The following GPT2 variants were observed in gnomAD, a reference collection of about 807,000 sequenced individuals.
GPT2 encodes the protein alanine aminotransferase 2.
GPT2 carries 30 observed loss-of-function variants against 56.9 expected under a neutral mutation model. That is an observed-to-expected ratio of 0.53 (90% confidence interval 0.39 to 0.72). The LOEUF is 0.72. GPT2 is among the 30% of genes least tolerant of loss of function. GPT2 has a pLI of 0.00. For missense variants in GPT2, 542 were observed against 703.4 expected, an observed-to-expected ratio of 0.77 and a Z score of 2.60; for synonymous variants, 271 against 283.1, an observed-to-expected ratio of 0.96 and a Z score of 0.43.
intron 10 of GPT2, among the ~76,000 whole-genome samples, chr16:46,926,147 AAAAAG>A (rs1214186667): frequency 1.3e-5 from 2 of 151,360 alleles, no homozygotes; most frequent in Non-Finnish European, 2.9e-5. Context: ...AAAAAAAAAA[AAAAAG>A]GAATCCGTGG....
chr16:46,909,696 AT>A lies in GPT2; in HGVS notation c.590del (p.Ile197ThrfsTer13), dbSNP rs1961004388. The A allele has an allele frequency of 6.2e-7, 1 of 1,613,270 alleles. No individual in the cohort carries two copies. The highest frequency in any genetic ancestry group is 8.5e-7 in the Non-Finnish European group (1 of 1,179,582). On this transcript the variant is annotated frameshift_variant, in exon 6 of 12. Coordinates refer to ENST00000340124, the MANE Select transcript of GPT2 (RefSeq NM_133443.4). LOFTEE classifies it high-confidence loss of function. ...TTCTCTGTTGCAGACGATCCTGAAG[AT>A]CCTCGTCTCCGGGGGCGGCAAGTCA... ...ASDGISTILK[I>X]LVSGGGKSRT...
intron 8 of GPT2, among the ~76,000 whole-genome samples, chr16:46,921,156 A>T (rs544077665): frequency 6.6e-6 from 1 of 152,032 alleles, no homozygotes. Flanking sequence ...TCCCAAAAGC[A>T]TGGTTTTTTT....
rs1245659129 is a variant in GPT2, at chr16:46,931,039, C to T, written c.*2042C>T. The T allele has an allele frequency of 6.6e-6, 1 of 152,338 alleles. No homozygotes were observed. Among genetic ancestry groups the T allele is most frequent in the Non-Finnish European group, 1.5e-5 (1 of 68,042 alleles). 9.4% of individuals were successfully genotyped at this position (152,338 alleles called of 1,614,324 possible). A position where few individuals can be genotyped will look rare whatever the true frequency, so the allele number is the denominator to read the frequency against. On this transcript the variant is annotated 3_prime_UTR_variant, in exon 12 of 12. Transcript: ENST00000340124. ...TTACATCTGTGAAGTTTCTGTCATT[C>T]GTCCAGATCTGTGTGTGTAGCATGT...
intron 4 of GPT2, among the ~76,000 whole-genome samples, chr16:46,902,646 A>G (rs2143431024): frequency 6.6e-6 from 1 of 152,152 alleles, no homozygotes; most frequent in South Asian, 2.1e-4. Flanking sequence ...TTTTTTTGAA[A>G]CAGAGTGTCA....
At chr16:46,905,614 T>A (rs1368942931) in intron 4 of GPT2, among the ~76,000 whole-genome samples, 1 of 152,238 alleles carries the variant, frequency 6.6e-6, no homozygotes, top group Non-Finnish European at 1.5e-5. Flanking sequence ...CCTCACCAGT[T>A]TGAGTCTTCT....
chr16:46,921,285 T>G (rs1167457943), intron 8 of GPT2, among the ~76,000 whole-genome samples: 1 of 152,226 alleles, frequency 6.6e-6, no homozygotes, highest in African/African-American at 2.4e-5. Context: ...GCAATTCTCC[T>G]GCCTCAGCCT....
chr16:46,891,668 A>C (rs1248318417), intron 2 of GPT2, among the ~76,000 whole-genome samples: 2 of 152,056 alleles, frequency 1.3e-5, no homozygotes, highest in East Asian at 3.8e-4. Flanking sequence ...ATTATTTATG[A>C]GGTACATGAG....
At chr16:46,922,859 T>A (rs1234020915) in intron 9 of GPT2, among the ~76,000 whole-genome samples, 1 of 152,120 alleles carries the variant, frequency 6.6e-6, no homozygotes, top group Non-Finnish European at 1.5e-5. Context: ...ACAAAGGAAT[T>A]TATGGGTCAA....
chr16:46,928,869 C>A, intron 11 of GPT2, 38 bp from the exon 12 acceptor site: 3 of 1,500,718 alleles, frequency 2.0e-6, no homozygotes, highest in Non-Finnish European at 2.8e-6. Flanking sequence ...TCCCATCTTG[C>A]AGAGCAGCCA....
chr16:46,889,832 G>A (rs1299902546), intron 2 of GPT2, among the ~76,000 whole-genome samples: 2 of 152,196 alleles, frequency 1.3e-5, no homozygotes, highest in African/African-American at 2.4e-5. Flanking sequence ...GAGTGGTCTG[G>A]GGATAAGAAG....
intron 5 of GPT2, 34 bp downstream of exon 5, chr16:46,907,009 T>C (rs1031996746): frequency 1.2e-6 from 2 of 1,613,042 alleles, no homozygotes; most frequent in Non-Finnish European, 1.7e-6. Flanking sequence ...TTATCCGGTG[T>C]TTACCCACAT....
chr16:46,918,817 C>T, intron 8 of GPT2, 60 bp downstream of exon 8: 2 of 1,590,684 alleles, frequency 1.3e-6, no homozygotes, highest in African/African-American at 1.3e-5. Context: ...ACGCTGCCGG[C>T]TCCTCTGCCC....
In GPT2 at chr16:46,906,987, G is replaced by C. The variant is rs201738021; in HGVS notation, c.576+12G>C. The stretch of plus-strand genomic sequence containing the variant: ...GTGACGGCATTTCTGTACGTGTGAG[G>C]GTGGCTCGTTGTTATCCGGTGTTTA... On this transcript the variant is annotated intron_variant, in intron 5 of 11. Coordinates refer to ENST00000340124, the MANE Select transcript of GPT2 (RefSeq NM_133443.4). The C allele has an allele frequency of 3.1e-6, 5 of 1,613,986 alleles. No individual in the cohort carries two copies. The highest frequency in any genetic ancestry group is 1.7e-5 in the Admixed American group (1 of 60,000).
intron 2 of GPT2, among the ~76,000 whole-genome samples, chr16:46,888,136 G>C (rs1017870367): frequency 2.0e-5 from 3 of 152,230 alleles, no homozygotes; most frequent in African/African-American, 7.2e-5. Context: ...TTTGCTTCTG[G>C]TTGTAAGGCA....
intron 5 of GPT2, 23 bp downstream of exon 5, chr16:46,906,998 G>T: frequency 6.2e-7 from 1 of 1,613,938 alleles, no homozygotes. Context: ...GTGGCTCGTT[G>T]TTATCCGGTG....
At chr16:46,923,983 C>T (rs903798546) in intron 9 of GPT2, 1 of 343,642 alleles carries the variant, frequency 2.9e-6, no homozygotes, top group African/African-American at 2.1e-5. Context: ...CTGGGCTCTA[C>T]CCTTTGGCCT....
chr16:46,884,542 G>C (rs1960441869), intron 1 of GPT2, 75 bp downstream of exon 1: 1 of 757,542 alleles, frequency 1.3e-6, no homozygotes, highest in African/African-American at 1.8e-5. Context: ...CAGCGGCGCC[G>C]TGGAGGGTCC....
intron 10 of GPT2, among the ~76,000 whole-genome samples, chr16:46,926,279 T>A (rs1961409058): frequency 1.3e-5 from 2 of 150,722 alleles, no homozygotes; most frequent in Non-Finnish European, 3.0e-5. Context: ...CGAAACCCCA[T>A]CTCTACTAAA....
intron 5 of GPT2, 95 bp from the exon 6 acceptor site, chr16:46,909,589 G>GTT: frequency 7.0e-7 from 1 of 1,424,146 alleles, no homozygotes; most frequent in Non-Finnish European, 9.6e-7. Flanking sequence ...CTTGCACAGA[G>GTT]TTGGACTGGA....
Sources: gnomAD v4.1 joint callset for allele counts (sites outside exome capture counted in the v4.1 genomes callset) on GRCh38, gnomAD v4.1.1 for gene constraint, MANE v1.5 for transcripts, NCBI Gene and HGNC (gene_info 2026-07-23, HGNC 2026-07-21) for gene names.